FHIT: variants seen among roughly 807,000 people sequenced by gnomAD.
The protein encoded by FHIT is fragile histidine triad diadenosine triphosphatase.
A neutral mutation model predicts 17.9 loss-of-function variants in FHIT; 19 were observed. The ratio of observed to expected loss-of-function variants is 1.06; its 90% confidence interval spans 0.74 to 1.56. The LOEUF (loss-of-function observed/expected upper bound fraction) is 1.56, where lower values mean the gene tolerates loss of function less well. Among genes scored for constraint, FHIT ranks in the 40% most tolerant of loss-of-function variants. The probability of loss-of-function intolerance (pLI) is 0.00; values close to 1 mark genes in which losing one functional copy is unlikely to be tolerated. For missense variants in FHIT, 248 were observed against 189.2 expected, an observed-to-expected ratio of 1.31 and a Z score of -1.82; for synonymous variants, 81 against 69.7, an observed-to-expected ratio of 1.16 and a Z score of -0.81.
intron 5 of FHIT, among the ~76,000 whole-genome samples, chr3:60,503,930 A>T (rs1185299522): frequency 6.6e-6 from 1 of 152,198 alleles, no homozygotes; most frequent in African/African-American, 2.4e-5. Flanking sequence ...TGCTCATTTT[A>T]TTTATAATAA....
intron 5 of FHIT, among the ~76,000 whole-genome samples, chr3:60,521,894 A>T (rs1355125613): frequency 1.3e-5 from 2 of 152,090 alleles, no homozygotes; most frequent in Non-Finnish European, 2.9e-5. Context: ...ACAATACCAG[A>T]AACAGGACTG....
intron 5 of FHIT, among the ~76,000 whole-genome samples, chr3:60,170,468 T>C (rs577739815): frequency 4.6e-5 from 7 of 152,266 alleles, no homozygotes; most frequent in Admixed American, 2.6e-4. Context: ...CACGTGAGTA[T>C]AAATGTGAAG....
At chr3:59,828,843 CTCTCTG>C (rs1349848934) in intron 8 of FHIT, among the ~76,000 whole-genome samples, 11 of 146,848 alleles carry the variant, frequency 7.5e-5, no homozygotes, top group East Asian at 4.0e-4. Context: ...CAATGGTACT[CTCTCTG>C]TGTGTGTGTG....
chr3:60,919,558 G>T (rs1553767809), intron 3 of FHIT, among the ~76,000 whole-genome samples: 2 of 151,996 alleles, frequency 1.3e-5, no homozygotes, highest in Non-Finnish European at 2.9e-5. Context: ...GGACAAGGCG[G>T]GAGCCTACTT....
chr3:59,897,660 G>C (rs372158222), intron 8 of FHIT, among the ~76,000 whole-genome samples: 12 of 151,820 alleles, frequency 7.9e-5, no homozygotes, highest in African/African-American at 2.9e-4. Flanking sequence ...TTCTTCCCAG[G>C]GGAAGGTTTA....
chr3:61,033,985 C>G (rs1442544463), intron 3 of FHIT, among the ~76,000 whole-genome samples: 1 of 152,136 alleles, frequency 6.6e-6, no homozygotes, highest in Non-Finnish European at 1.5e-5. Context: ...CATAGATGCT[C>G]AACTAAGGTA....
rs1710342707 is a variant in FHIT at position 60,338,310 on chromosome 3, A to G, written c.103+198550T>C. Among the ~76,000 whole-genome samples, 2 of 152,212 alleles carry G rather than the reference A, an allele frequency of 1.3e-5. 1 individual carries two copies. Among genetic ancestry groups the G allele is most frequent in the Admixed American group, 1.3e-4 (2 of 15,278 alleles). ...TATACCTGATTTTTCACAATCATCT[A>G]TACCACAAAAACTCTATTCCTGTAA... On this transcript the variant is annotated intron_variant, in intron 5 of 9. Coordinates refer to ENST00000492590, the MANE Select transcript of FHIT (RefSeq NM_002012.4).
intron 5 of FHIT, among the ~76,000 whole-genome samples, chr3:60,136,329 T>A (rs1699816839): frequency 6.6e-6 from 1 of 152,164 alleles, no homozygotes; most frequent in South Asian, 2.1e-4. Context: ...AGCCAAGGGC[T>A]ATATATTCTT....
At chr3:61,017,867 A>C (rs577624908) in intron 3 of FHIT, among the ~76,000 whole-genome samples, 73 of 152,336 alleles carry the variant, frequency 4.8e-4, no homozygotes, top group African/African-American at 1.7e-3. Context: ...AAGAGAAAAA[A>C]TTTCCACAAA....
intron 5 of FHIT, among the ~76,000 whole-genome samples, chr3:60,382,719 T>C (rs2107119062): frequency 6.6e-6 from 1 of 152,320 alleles, no homozygotes; most frequent in Admixed American, 6.5e-5. Context: ...GAATTGTTTT[T>C]TGGATACTGT....
chr3:60,188,162 ACT>A (rs1207934779), intron 5 of FHIT, among the ~76,000 whole-genome samples: 2 of 147,208 alleles, frequency 1.4e-5, no homozygotes, highest in African/African-American at 5.0e-5. Context: ...TGAATGTCAG[ACT>A]CTAACAGGTG....
intron 5 of FHIT, among the ~76,000 whole-genome samples, chr3:60,191,475 A>C (rs1476568331): frequency 3.3e-5 from 5 of 152,220 alleles, no homozygotes; most frequent in Non-Finnish European, 5.9e-5. Context: ...ATACCATACG[A>C]ACATAATGGC....
At chr3:61,173,193 A>G (rs990184635) in intron 2 of FHIT, among the ~76,000 whole-genome samples, 1 of 152,212 alleles carries the variant, frequency 6.6e-6, no homozygotes, top group Non-Finnish European at 1.5e-5. Context: ...CTAGAAGTTC[A>G]TAATCCATCC....
chr3:60,258,249 C>A (rs1160686097), intron 5 of FHIT, among the ~76,000 whole-genome samples: 2 of 152,098 alleles, frequency 1.3e-5, no homozygotes, highest in Non-Finnish European at 2.9e-5. Flanking sequence ...CACTCTGTGA[C>A]AACGTTCAAC....
intron 4 of FHIT, among the ~76,000 whole-genome samples, chr3:60,713,190 T>A (rs1215427203): frequency 2.6e-5 from 4 of 151,580 alleles, no homozygotes. Context: ...GGGTACATAA[T>A]GAAATGAAGG....
intron 7 of FHIT, among the ~76,000 whole-genome samples, chr3:59,954,077 G>A (rs1386088742): frequency 1.3e-5 from 2 of 152,202 alleles, no homozygotes; most frequent in Non-Finnish European, 2.9e-5. Context: ...TTAACTTGAA[G>A]AGTGCAAAGG....
At chr3:60,902,150 T>C (rs1003806935) in intron 3 of FHIT, among the ~76,000 whole-genome samples, 1 of 152,194 alleles carries the variant, frequency 6.6e-6, no homozygotes, top group Non-Finnish European at 1.5e-5. Context: ...AAAGTTCCCA[T>C]GTACTTTGCC....
chr3:60,050,855 A>T (rs1248109693), intron 5 of FHIT, among the ~76,000 whole-genome samples: 1 of 152,190 alleles, frequency 6.6e-6, no homozygotes, highest in African/African-American at 2.4e-5. Flanking sequence ...TCCAGAAATC[A>T]GACTCAGAGA....
intron 5 of FHIT, among the ~76,000 whole-genome samples, chr3:60,439,838 C>T (rs1335819149): frequency 2.6e-5 from 4 of 152,090 alleles, no homozygotes; most frequent in African/African-American, 7.2e-5. Flanking sequence ...TGTCTTTGGG[C>T]TTGTTCAAAA....
Sources: allele counts gnomAD v4.1 joint callset (sites outside exome capture counted in the v4.1 genomes callset), GRCh38; gene constraint gnomAD v4.1.1; transcripts MANE v1.5; gene names NCBI Gene and HGNC (gene_info 2026-07-23, HGNC 2026-07-21).